Variants in ERC2 observed in about 807,000 individuals in gnomAD.
ERC2 encodes the protein ELKS/RAB6-interacting/CAST family member 2, also known as ERC protein 2.
In ERC2, 42 loss-of-function variants were observed where a neutral mutation model predicts 114.8. The observed-to-expected ratio is 0.37, with a 90% confidence interval of 0.29 to 0.47. The LOEUF is 0.47. Ranked by LOEUF, ERC2 falls within the 20% of genes least tolerant of loss-of-function variation. The pLI is 0.99. For synonymous variants in ERC2, 454 were observed against 425.5 expected (o/e 1.07, Z -0.82); for missense variants, 939 against 1,150.7 (o/e 0.82, Z 2.66).
chr3:55,759,886 T>C (rs144137011), intron 14 of ERC2, among the ~76,000 whole-genome samples: 179 of 152,364 alleles, frequency 1.2e-3, no homozygotes, highest in African/African-American at 4.3e-3. Flanking sequence ...AGCTCTTCTT[T>C]GTACTTGTGA....
At chr3:55,987,045 G>T (rs182371705) in intron 11 of ERC2, among the ~76,000 whole-genome samples, 23 of 152,236 alleles carry the variant, frequency 1.5e-4, no homozygotes, top group African/African-American at 5.3e-4. Context: ...TCAGGATAAA[G>T]CTTAAGCTAG....
At chr3:55,862,305 T>C (rs2062065648) in intron 14 of ERC2, among the ~76,000 whole-genome samples, 1 of 152,150 alleles carries the variant, frequency 6.6e-6, no homozygotes, top group South Asian at 2.1e-4. Flanking sequence ...AGAAGCCATA[T>C]GACCCACTTC....
intron 7 of ERC2, among the ~76,000 whole-genome samples, chr3:56,066,057 T>C (rs985600334): frequency 1.3e-5 from 2 of 152,212 alleles, no homozygotes; most frequent in Non-Finnish European, 2.9e-5. Context: ...CCTTTGGGTA[T>C]ATACCCAGTA....
chr3:55,654,054 G>T (rs1436670226), intron 17 of ERC2, among the ~76,000 whole-genome samples: 1 of 152,200 alleles, frequency 6.6e-6, no homozygotes, highest in Non-Finnish European at 1.5e-5. Context: ...AAAACAGTTT[G>T]CACTCCAGAA....
intron 17 of ERC2, among the ~76,000 whole-genome samples, chr3:55,679,039 A>G (rs904513347): frequency 2.0e-5 from 3 of 152,208 alleles, no homozygotes; most frequent in Non-Finnish European, 1.5e-5. Flanking sequence ...CACAGCAGCC[A>G]GGGTTGTTCT....
intron 14 of ERC2, among the ~76,000 whole-genome samples, chr3:55,845,089 C>T (rs1393187543): frequency 1.3e-5 from 2 of 152,186 alleles, no homozygotes; most frequent in Admixed American, 6.5e-5. Flanking sequence ...TGATAGGAGG[C>T]GGAGCTCAGG....
intron 17 of ERC2, among the ~76,000 whole-genome samples, chr3:55,675,543 C>T (rs1360412826): frequency 6.6e-6 from 1 of 152,156 alleles, no homozygotes; most frequent in Non-Finnish European, 1.5e-5. Context: ...TCTTGGTTTT[C>T]CCCTTTGGTT....
intron 4 of ERC2, among the ~76,000 whole-genome samples, chr3:56,164,469 T>C (rs552392831): frequency 2.6e-5 from 4 of 152,260 alleles, no homozygotes; most frequent in Admixed American, 1.3e-4. Flanking sequence ...TATGTGGATA[T>C]GCCATATTTT....
chr3:55,831,568 T>A (rs1338903900), intron 14 of ERC2, among the ~76,000 whole-genome samples: 1 of 151,980 alleles, frequency 6.6e-6, no homozygotes, highest in African/African-American at 2.4e-5. Flanking sequence ...CTAAATAAAA[T>A]CATATCAAGG....
intron 1 of ERC2, among the ~76,000 whole-genome samples, chr3:56,455,759 T>A (rs1250303880): frequency 6.6e-6 from 1 of 152,234 alleles, no homozygotes; most frequent in Non-Finnish European, 1.5e-5. Flanking sequence ...TCTCTCAGTT[T>A]CAGGAAGAGA....
At chr3:55,725,993 T>C (rs765442050) in intron 15 of ERC2, among the ~76,000 whole-genome samples, 3 of 152,254 alleles carry the variant, frequency 2.0e-5, no homozygotes, top group African/African-American at 7.2e-5. Context: ...ACAGTAACAC[T>C]GAGCAGTTCA....
At chr3:56,000,500 T>C (rs926689740) in intron 10 of ERC2, among the ~76,000 whole-genome samples, 1 of 151,994 alleles carries the variant, frequency 6.6e-6, no homozygotes, top group Non-Finnish European at 1.5e-5. Flanking sequence ...TTTAAACTAC[T>C]TACGTAAGAA....
chr3:55,670,692 A>T (rs1016135635), intron 17 of ERC2, among the ~76,000 whole-genome samples: 2 of 152,248 alleles, frequency 1.3e-5, no homozygotes, highest in Admixed American at 6.5e-5. Context: ...ATACGGAGAC[A>T]TCAGGATGAA....
chr3:55,520,248 C>A (rs2052821560), intron 17 of ERC2, among the ~76,000 whole-genome samples: 1 of 151,300 alleles, frequency 6.6e-6, no homozygotes, highest in Non-Finnish European at 1.5e-5. Flanking sequence ...AGAGCCTGGC[C>A]AACGTGGTGA....
At chr3:55,780,797 G>A (rs1419607307) in intron 14 of ERC2, among the ~76,000 whole-genome samples, 1 of 152,150 alleles carries the variant, frequency 6.6e-6, no homozygotes, top group African/African-American at 2.4e-5. Flanking sequence ...TTCAAATTCA[G>A]CCAAATCTGC....
intron 17 of ERC2, among the ~76,000 whole-genome samples, chr3:55,587,430 G>T (rs1339441855): frequency 1.3e-5 from 2 of 152,200 alleles, no homozygotes; most frequent in Non-Finnish European, 2.9e-5. Context: ...GCATTTTCAT[G>T]CTGTGAAATA....
At chr3:56,432,945 G>C (rs959425731) in intron 2 of ERC2, among the ~76,000 whole-genome samples, 1 of 152,066 alleles carries the variant, frequency 6.6e-6, no homozygotes, top group African/African-American at 2.4e-5. Context: ...CTAGAACTTT[G>C]GAATTACTCC....
rs2057854704 is a variant in ERC2, at chr3:56,336,476, G to C, written c.658-40041C>G. On this transcript the variant is annotated intron_variant, in intron 2 of 17. Transcript: ENST00000288221. ...GAATGGGGGTGTGGTGATGAATGCA[G>C]ATGGACCAGCTGGCCAGTAGGAAAT... Among the ~76,000 whole-genome samples, 6 of 152,142 alleles carry C rather than the reference G, an allele frequency of 3.9e-5. No homozygotes were observed. In the South Asian group the frequency reaches 1.2e-3, roughly 32 times the overall value.
chr3:55,965,958 C>T (rs942747935), intron 12 of ERC2, among the ~76,000 whole-genome samples: 2 of 152,202 alleles, frequency 1.3e-5, no homozygotes, highest in African/African-American at 4.8e-5. Flanking sequence ...GAACAAACCA[C>T]TTCCCCACAC....
Sources: gnomAD v4.1 joint callset for allele counts (sites outside exome capture counted in the v4.1 genomes callset) on GRCh38, gnomAD v4.1.1 for gene constraint, MANE v1.5 for transcripts, NCBI Gene and HGNC (gene_info 2026-07-23, HGNC 2026-07-21) for gene names.